FBXW11: variants seen among roughly 807,000 people sequenced by gnomAD.
FBXW11 encodes the protein F-box/WD repeat-containing protein 11.
A neutral mutation model predicts 77.6 loss-of-function variants in FBXW11; 19 were observed. The ratio of observed to expected loss-of-function variants is 0.24; its 90% confidence interval spans 0.17 to 0.36. The LOEUF (loss-of-function observed/expected upper bound fraction) is 0.36. Among genes scored for constraint, FBXW11 ranks in the 10% least tolerant of loss-of-function variants. The pLI is 1.00. For missense variants in FBXW11, 334 were observed against 704.2 expected, an observed-to-expected ratio of 0.47 and a Z score of 5.95; for synonymous variants, 235 against 249.4, an observed-to-expected ratio of 0.94 and a Z score of 0.54.
intron 8 of FBXW11, among the ~76,000 whole-genome samples, chr5:171,877,209 G>A (rs1383352862): frequency 1.3e-5 from 2 of 152,272 alleles, no homozygotes; most frequent in East Asian, 1.9e-4. Flanking sequence ...TTGCAGGCTC[G>A]TGCTGATGGC....
Position 171,990,862 on chromosome 5 carries a change from T to C in FBXW11, c.45+15596A>G, listed in dbSNP as rs1160816706. Among the ~76,000 whole-genome samples the C allele has an allele frequency of 2.0e-5, 3 of 152,182 alleles. No individual in the cohort carries two copies. The East Asian group carries it at 5.8e-4, about 29-fold the overall frequency. Reference sequence around the variant, plus strand: ...TTTGCACTTTTTGAGTCTTGCTCTATTGCCTGGGCTGGAGTACAATGACAC... The same window carrying C: ...TTTGCACTTTTTGAGTCTTGCTCTACTGCCTGGGCTGGAGTACAATGACAC... On this transcript the variant is annotated intron_variant, in intron 1 of 13. Coordinates refer to ENST00000517395, the MANE Select transcript of FBXW11 (RefSeq NM_001378974.1).
intron 1 of FBXW11, among the ~76,000 whole-genome samples, chr5:171,963,857 CAA>C (rs1236884839): frequency 5.3e-5 from 8 of 152,158 alleles, no homozygotes; most frequent in Non-Finnish European, 1.0e-4. Context: ...AACCCAATGA[CAA>C]AGAGTGTAAG....
chr5:171,882,962 A>C (rs1365144258), intron 7 of FBXW11, among the ~76,000 whole-genome samples: 4 of 146,648 alleles, frequency 2.7e-5, no homozygotes, highest in Non-Finnish European at 4.5e-5. Flanking sequence ...CCAAGTCCCC[A>C]AAGTCCAATG....
In FBXW11 at chr5:171,876,690, G is replaced by C. The variant is rs1758103938; in HGVS notation, c.972-156C>G. Among the ~76,000 whole-genome samples the C allele has an allele frequency of 6.6e-6, 1 of 152,096 alleles. No individual in the cohort carries two copies. Among genetic ancestry groups the C allele is most frequent in the Admixed American group, 6.5e-5 (1 of 15,278 alleles). On this transcript the variant is annotated intron_variant, in intron 8 of 13. Transcript: ENST00000517395. This position sits in a 1 kb window ranked among gnomAD's most constrained non-coding sequence, Gnocchi z 4.2. ...AATTGATCCTCAATGTTGGAGGTGG[G>C]GCCTGGCAGGAGATGTTTTGGGTCA...
chr5:171,893,446 A>AAAAC (rs1382279919), intron 6 of FBXW11, among the ~76,000 whole-genome samples: 5 of 147,990 alleles, frequency 3.4e-5, no homozygotes, highest in African/African-American at 1.3e-4. Flanking sequence ...AAAAAAAAAA[A>AAAAC]ACTAACCCAA....
intron 7 of FBXW11, among the ~76,000 whole-genome samples, chr5:171,878,711 G>C (rs1299190028): frequency 6.6e-6 from 1 of 151,638 alleles, no homozygotes; most frequent in Non-Finnish European, 1.5e-5. Context: ...AATTGCTTGA[G>C]CCCAGAAGGC....
At chr5:171,931,126 T>C (rs1224845383) in intron 2 of FBXW11, among the ~76,000 whole-genome samples, 1 of 152,128 alleles carries the variant, frequency 6.6e-6, no homozygotes, top group East Asian at 1.9e-4. Context: ...TTCAATACAA[T>C]CTCTATCAAA....
At chr5:171,916,078 T>C (rs531713485) in intron 2 of FBXW11, among the ~76,000 whole-genome samples, 220 of 84,610 alleles carry the variant, frequency 2.6e-3, no homozygotes, top group Admixed American at 6.6e-3. Context: ...CATCACACAC[T>C]GGGGCCTGTC....
chr5:171,993,101 G>C (rs72835287), intron 1 of FBXW11, among the ~76,000 whole-genome samples: 5,906 of 151,430 alleles, frequency 0.039, 161 homozygotes, highest in Non-Finnish European at 0.058. Context: ...AGAGGTGAAC[G>C]AAGAGGCTTT....
At chr5:171,965,527 T>TAA (rs1327169373) in intron 1 of FBXW11, among the ~76,000 whole-genome samples, 1 of 143,354 alleles carries the variant, frequency 7.0e-6, no homozygotes, top group African/African-American at 2.7e-5. Flanking sequence ...CTCTTGTCTT[T>TAA]AAAAATAAAA....
chr5:171,901,825 T>C (rs1437791379), intron 4 of FBXW11, among the ~76,000 whole-genome samples: 1 of 152,182 alleles, frequency 6.6e-6, no homozygotes, highest in Non-Finnish European at 1.5e-5. Context: ...CTTCAAAGCT[T>C]TGTCTGACCC....
intron 6 of FBXW11, among the ~76,000 whole-genome samples, chr5:171,896,995 T>A (rs1183280270): frequency 6.6e-6 from 1 of 152,084 alleles, no homozygotes; most frequent in Non-Finnish European, 1.5e-5. Context: ...AAAAAATCTA[T>A]TTTGAGGTGG....
chr5:171,948,984 T>G (rs1278037177), intron 2 of FBXW11, among the ~76,000 whole-genome samples: 1 of 152,230 alleles, frequency 6.6e-6, no homozygotes, highest in Non-Finnish European at 1.5e-5. Flanking sequence ...TCTAAAATAT[T>G]AATTTATTTG....
chr5:171,987,379 C>T (rs1765502732), intron 1 of FBXW11, among the ~76,000 whole-genome samples: 1 of 152,208 alleles, frequency 6.6e-6, no homozygotes, highest in African/African-American at 2.4e-5. Flanking sequence ...TGAAGCTCCA[C>T]TATCCCAATA....
At chr5:171,909,718 C>T (rs370182129) in intron 4 of FBXW11, among the ~76,000 whole-genome samples, 2 of 151,938 alleles carry the variant, frequency 1.3e-5, no homozygotes, top group Non-Finnish European at 2.9e-5. Context: ...CACGTGCGCG[C>T]GTGCATGTAC....
In FBXW11 at chr5:171,890,081, T is replaced by C. The variant is rs937137933; in HGVS notation, c.852+1386A>G. ...TGAAAAGAAACTTCACCACAGAATA[T>C]AGAGATGGCAGGTAAGCACATAAAA... On this transcript the variant is annotated intron_variant, in intron 7 of 13. Transcript: ENST00000517395. Among the ~76,000 whole-genome samples the C allele has an allele frequency of 1.3e-4, 20 of 152,140 alleles. No individual in the cohort carries two copies. The South Asian group carries it at 2.9e-3, about 22-fold the overall frequency.
At chr5:171,986,910 G>C (rs1765475141) in intron 1 of FBXW11, among the ~76,000 whole-genome samples, 3 of 152,140 alleles carry the variant, frequency 2.0e-5, no homozygotes, top group Non-Finnish European at 4.4e-5. Flanking sequence ...ATGAGCAGGA[G>C]GCAAAGCTTT....
At chr5:171,991,960 C>T (rs1417738071) in intron 1 of FBXW11, among the ~76,000 whole-genome samples, 1 of 151,120 alleles carries the variant, frequency 6.6e-6, no homozygotes, top group Non-Finnish European at 1.5e-5. Flanking sequence ...ACTAAAAATA[C>T]AAAAATTAGC....
chr5:171,982,929 C>T (rs1765227950), intron 1 of FBXW11, among the ~76,000 whole-genome samples: 1 of 152,118 alleles, frequency 6.6e-6, no homozygotes. Flanking sequence ...AAGATGTGAG[C>T]AGTGGCTCAT....
Sources: gnomAD v4.1 joint callset for allele counts (sites outside exome capture counted in the v4.1 genomes callset) on GRCh38, gnomAD v4.1.1 for gene constraint, Gnocchi (gnomAD v3.1) non-coding constraint, MANE v1.5 for transcripts, NCBI Gene and HGNC (gene_info 2026-07-23, HGNC 2026-07-21) for gene names.